RANBP2: variants seen among roughly 807,000 people sequenced by gnomAD.
RANBP2 encodes the protein RAN binding protein 2, also known as E3 SUMO-protein ligase RanBP2.
In RANBP2, 57 loss-of-function variants were observed where a neutral mutation model predicts 303.6. That is an observed-to-expected ratio of 0.19 (90% CI 0.15 to 0.23). The LOEUF (loss-of-function observed/expected upper bound fraction) is 0.23. Among genes scored for constraint, RANBP2 ranks in the 10% least tolerant of loss-of-function variants. The probability of loss-of-function intolerance (pLI) is 1.00; values close to 1 mark genes in which losing one functional copy is unlikely to be tolerated. For missense variants in RANBP2, 3,138 were observed against 3,780.8 expected (o/e 0.83, Z 4.46); for synonymous variants, 1,167 against 1,301.5 (o/e 0.90, Z 2.23).
rs770370900 is a variant in RANBP2, at chr2:108,740,697, G to C, written c.975+16G>C. The C allele has an allele frequency of 1.9e-6, 3 of 1,597,462 alleles. No homozygotes were observed. The highest frequency in any genetic ancestry group is 2.5e-6 in the Non-Finnish European group (3 of 1,179,762). On this transcript the variant is annotated intron_variant, in intron 7 of 28. Transcript: ENST00000283195. ...AGCATTTCAGGTAAGTCTTCCACTT[G>C]TAGGAGCAATTGACATTTCACTGAG... is the stretch of plus-strand genomic sequence containing the variant.
the RANBP2 span, among the ~76,000 whole-genome samples, chr2:109,630,844 TC>T: frequency 1.3e-5 from 2 of 152,180 alleles, no homozygotes; most frequent in Admixed American, 6.5e-5. Context: ...GACAGGCAGA[TC>T]ACCTAAGGTC....
the RANBP2 span, among the ~76,000 whole-genome samples, chr2:109,090,281 A>AGAATTGTG: frequency 6.6e-6 from 1 of 150,974 alleles, no homozygotes; most frequent in African/African-American, 2.5e-5. Flanking sequence ...TCCTAAAATC[A>AGAATTGTG]GAATTGTGGG....
the RANBP2 span, among the ~76,000 whole-genome samples, chr2:109,509,753 G>A: frequency 6.6e-6 from 1 of 151,892 alleles, no homozygotes; most frequent in African/African-American, 2.4e-5. Flanking sequence ...CCCACCAATG[G>A]ACTCATTTTA....
intron 7 of RANBP2, among the ~76,000 whole-genome samples, chr2:108,745,374 C>T (rs1174644845): frequency 6.8e-6 from 1 of 147,094 alleles, no homozygotes; most frequent in East Asian, 2.0e-4. Flanking sequence ...TGGGCATTGC[C>T]TATGACTGGA....
At chr2:109,206,699 C>G in the RANBP2 span, among the ~76,000 whole-genome samples, 1 of 151,898 alleles carries the variant, frequency 6.6e-6, no homozygotes, top group African/African-American at 2.4e-5. Flanking sequence ...GCTTATAATT[C>G]CAGCTACTCA....
chr2:109,020,250 G>A, the RANBP2 span, among the ~76,000 whole-genome samples: 3 of 152,274 alleles, frequency 2.0e-5, no homozygotes, highest in African/African-American at 7.2e-5. Context: ...AAACAGCAGA[G>A]ACAGTTTCCA....
the RANBP2 span, among the ~76,000 whole-genome samples, chr2:108,890,143 T>C: frequency 2.9e-5 from 4 of 140,204 alleles, no homozygotes; most frequent in South Asian, 2.3e-4. Context: ...TTTTTTTTTT[T>C]CTTCTCAGCA....
chr2:109,110,201 C>T, the RANBP2 span, among the ~76,000 whole-genome samples: 124 of 152,276 alleles, frequency 8.1e-4, 1 homozygote, highest in African/African-American at 2.8e-3. Flanking sequence ...AATAATGCCC[C>T]GGTGTCTATC....
At chr2:108,786,577 G>A (rs1678757403), downstream of RANBP2, among the ~76,000 whole-genome samples, 1 of 152,196 alleles carries the variant, frequency 6.6e-6, no homozygotes. Context: ...GGCAGCCGGG[G>A]CAGGACTATC....
At chr2:109,682,579 G>A in the RANBP2 span, among the ~76,000 whole-genome samples, 6 of 152,174 alleles carry the variant, frequency 3.9e-5, no homozygotes, top group East Asian at 3.9e-4. Context: ...ACATGAAGAC[G>A]GGTCAGACCT....
chr2:108,977,552 G>A, the RANBP2 span, among the ~76,000 whole-genome samples: 1 of 152,164 alleles, frequency 6.6e-6, no homozygotes, highest in African/African-American at 2.4e-5. Flanking sequence ...TTACAGGCGT[G>A]AGCCACCGAG....
chr2:109,235,677 G>A, the RANBP2 span, among the ~76,000 whole-genome samples: 1 of 152,212 alleles, frequency 6.6e-6, no homozygotes, highest in Non-Finnish European at 1.5e-5. Context: ...GAGAGTGTAC[G>A]TGTCTACCAA....
chr2:109,128,959 G>C, the RANBP2 span: 2 of 417,990 alleles, frequency 4.8e-6, no homozygotes, highest in African/African-American at 2.1e-5. Context: ...CGCAGTGACC[G>C]TGACCTCCGC....
At chr2:109,609,642 A>G in the RANBP2 span, among the ~76,000 whole-genome samples, 1 of 151,992 alleles carries the variant, frequency 6.6e-6, no homozygotes, top group Admixed American at 6.6e-5. Context: ...AAAGATCAAG[A>G]AAGAATTAAG....
chr2:108,816,117 A>C, the RANBP2 span: 1 of 1,568,506 alleles, frequency 6.4e-7, no homozygotes, highest in Non-Finnish European at 8.7e-7. Flanking sequence ...TTTGTTTTTT[A>C]ATTTGAAATA....
At chr2:109,031,466 G>A in the RANBP2 span, among the ~76,000 whole-genome samples, 7 of 152,354 alleles carry the variant, frequency 4.6e-5, no homozygotes, top group Middle Eastern at 0.01. Flanking sequence ...TGTTGCACCG[G>A]GGACTGGGCT....
At chr2:109,638,698 G>A in the RANBP2 span, among the ~76,000 whole-genome samples, 1 of 152,134 alleles carries the variant, frequency 6.6e-6, no homozygotes, top group African/African-American at 2.4e-5. Flanking sequence ...TTTTTGAATG[G>A]AGTCTCAGTA....
chr2:109,630,756 T>C, the RANBP2 span, among the ~76,000 whole-genome samples: 1 of 152,140 alleles, frequency 6.6e-6, no homozygotes, highest in Non-Finnish European at 1.5e-5. Flanking sequence ...GGATGGATAG[T>C]ATGAGTATAG....
At chr2:109,526,244 C>A in the RANBP2 span, among the ~76,000 whole-genome samples, 5 of 152,200 alleles carry the variant, frequency 3.3e-5, no homozygotes, top group Admixed American at 3.3e-4. Flanking sequence ...AAGCCCAGGG[C>A]TGCCTGCTGT....
Sources: gnomAD v4.1 joint callset for allele counts (sites outside exome capture counted in the v4.1 genomes callset) on GRCh38, gnomAD v4.1.1 for gene constraint, MANE v1.5 for transcripts, NCBI Gene and HGNC (gene_info 2026-07-23, HGNC 2026-07-21) for gene names.